Variants in TGM4 observed in about 807,000 individuals in gnomAD.
TGM4 encodes the protein transglutaminase 4.
In TGM4, 61 loss-of-function variants were observed where a neutral mutation model predicts 76.3. The observed-to-expected ratio is 0.80, with a 90% CI of 0.65 to 0.99. TGM4 has a LOEUF of 0.99. TGM4 is among the 50% of genes least tolerant of loss of function. The pLI, the probability that TGM4 is intolerant of heterozygous loss-of-function variation, is 0.00. For synonymous variants in TGM4, 337 were observed against 329.8 expected (o/e 1.02, Z -0.24); for missense variants, 794 against 843.2 (o/e 0.94, Z 0.72).
At chr3:44,902,000 C>G (rs1463158741) in intron 8 of TGM4, 69 bp downstream of exon 8, 1 of 1,558,554 alleles carries the variant, frequency 6.4e-7, no homozygotes, top group African/African-American at 1.4e-5. Context: ...TTTTTAGAAA[C>G]AGGGTCTCTC....
intron 6 of TGM4, among the ~76,000 whole-genome samples, chr3:44,900,160 G>A (rs1049925608): frequency 9.2e-5 from 14 of 152,146 alleles, no homozygotes; most frequent in Admixed American, 6.5e-4. Flanking sequence ...CCCTATCTCC[G>A]CCCTCCCCTA....
chr3:44,906,902 G>A, intron 9 of TGM4, 47 bp from the exon 10 acceptor site: 2 of 1,600,592 alleles, frequency 1.2e-6, no homozygotes, highest in South Asian at 2.2e-5. Context: ...CAGGCTGGGT[G>A]GGCTGGGGAA....
intron 9 of TGM4, 49 bp from the exon 10 acceptor site, chr3:44,906,900 G>A (rs1388097971): frequency 6.2e-7 from 1 of 1,600,006 alleles, no homozygotes; most frequent in African/African-American, 1.3e-5. Context: ...TCCAGGCTGG[G>A]TGGGCTGGGG....
intron 13 of TGM4, among the ~76,000 whole-genome samples, chr3:44,913,209 C>T (rs181905905): frequency 6.6e-6 from 1 of 152,288 alleles, no homozygotes; most frequent in East Asian, 1.9e-4. Flanking sequence ...GAGGGGCTAG[C>T]CAATTCCTTG....
Position 44,887,940 on chromosome 3 carries a change from G to A in TGM4, c.300+145G>A, listed in dbSNP as rs904472817. On this transcript the variant is annotated intron_variant, in intron 3 of 13. Coordinates refer to ENST00000296125, the MANE Select transcript of TGM4 (RefSeq NM_003241.4). ...AGCACAGCATGATAGAGGGGCCATG[G>A]CTCCAAATGTCTGTTTCCCCACTCA... 72 of 697,390 alleles carry A rather than the reference G, an allele frequency of 1.0e-4. 1 individual carries two copies. Among genetic ancestry groups the A allele is most frequent in the Non-Finnish European group, 6.9e-5 (28 of 405,802 alleles). The allele number at this position is 697,390 out of a possible 1,614,324, so 43.2% of individuals were successfully genotyped here.
chr3:44,910,471 TTGTG>T (rs1311053458), intron 11 of TGM4, 103 bp downstream of exon 11: 1 of 1,399,240 alleles, frequency 7.1e-7, no homozygotes, highest in Non-Finnish European at 9.6e-7. Context: ...TGATAAATTT[TTGTG>T]TGTGAGTTAA....
chr3:44,907,271 G>A, intron 10 of TGM4, 71 bp downstream of exon 10: 1 of 1,550,868 alleles, frequency 6.4e-7, no homozygotes. Context: ...GTCAAGATTG[G>A]GGGTGGGCCT....
intron 1 of TGM4, among the ~76,000 whole-genome samples, chr3:44,880,792 C>G (rs934471974): frequency 7.9e-5 from 12 of 152,116 alleles, no homozygotes; most frequent in Non-Finnish European, 1.5e-4. Context: ...TCACCCAGAC[C>G]TTTCATCTGG....
At chr3:44,887,492 G>C (rs1699624191) in intron 2 of TGM4, among the ~76,000 whole-genome samples, 197 bp from the exon 3 acceptor site, 1 of 152,096 alleles carries the variant, frequency 6.6e-6, no homozygotes. Flanking sequence ...CATCTAAATT[G>C]AACAGAAAAC....
chr3:44,892,658 A>G (rs1575717840), intron 4 of TGM4, among the ~76,000 whole-genome samples: 1 of 152,170 alleles, frequency 6.6e-6, no homozygotes, highest in Admixed American at 6.5e-5. Context: ...GGCATGAGGC[A>G]CCGCACCCAG....
Position 44,874,654 on chromosome 3 carries a change from G to T in TGM4, c.-25G>T. ...GGCATCAGAGATAGAGTCTTCCCTGGCATTGCAGGAGAGAATCTGAAGGGA... is the reference window on the plus strand; with the variant it reads ...GGCATCAGAGATAGAGTCTTCCCTGTCATTGCAGGAGAGAATCTGAAGGGA... On this transcript the variant is annotated 5_prime_UTR_variant, in exon 1 of 14. Coordinates refer to ENST00000296125, the MANE Select transcript of TGM4 (RefSeq NM_003241.4). 6.2e-7 allele frequency: 1 copy of T among 1,614,150 alleles called. No homozygotes were observed. Among genetic ancestry groups the T allele is most frequent in the Non-Finnish European group, 8.5e-7 (1 of 1,180,004 alleles).
intron 1 of TGM4, among the ~76,000 whole-genome samples, chr3:44,882,057 C>CTTTTTTTTTT (rs60542332): frequency 5.7e-5 from 6 of 104,616 alleles, no homozygotes; most frequent in Admixed American, 1.2e-4. Flanking sequence ...AATACAAACG[C>CTTTTTTTTTT]TTTTTTTTTT....
chr3:44,874,843 C>T (rs1699428493), intron 1 of TGM4, 146 bp downstream of exon 1: 1 of 873,910 alleles, frequency 1.1e-6, no homozygotes, highest in Non-Finnish European at 1.7e-6. Context: ...CTGTCTCATC[C>T]CTTTTTAGAA....
intron 8 of TGM4, among the ~76,000 whole-genome samples, chr3:44,902,890 G>T (rs1057441935): frequency 2.2e-4 from 33 of 152,178 alleles, no homozygotes; most frequent in Non-Finnish European, 7.3e-5. Flanking sequence ...TAGACGAGGT[G>T]GGAAGGTCAG....
chr3:44,894,817 G>A (rs1024639527), intron 5 of TGM4, among the ~76,000 whole-genome samples: 1 of 152,032 alleles, frequency 6.6e-6, no homozygotes, highest in African/African-American at 2.4e-5. Context: ...TCTGTGCAAG[G>A]TGCGCCGAGT....
intron 1 of TGM4, among the ~76,000 whole-genome samples, chr3:44,879,074 G>A (rs1337076359): frequency 6.6e-6 from 1 of 151,612 alleles, no homozygotes; most frequent in African/African-American, 2.4e-5. Flanking sequence ...TCTATTTGCT[G>A]TTTAACCTGT....
intron 8 of TGM4, 97 bp downstream of exon 8, chr3:44,902,028 G>T (rs1699862258): frequency 3.4e-6 from 5 of 1,450,582 alleles, no homozygotes; most frequent in Non-Finnish European, 4.7e-6. Context: ...TGCCCAGGCT[G>T]GTCTTGAACT....
chr3:44,879,773 C>A (rs897933319), intron 1 of TGM4, among the ~76,000 whole-genome samples: 1 of 149,644 alleles, frequency 6.7e-6, no homozygotes, highest in African/African-American at 2.5e-5. Context: ...CCACTGTGCC[C>A]GGCCCTATAT....
chr3:44,911,343 T>C lies in TGM4; in HGVS notation c.1850T>C (p.Leu617Ser). The change falls in exon 13 of 14, where the codon TTG becomes TCG. Residue 617 changes from leucine (L) to serine (S), a missense_variant. By Grantham distance (145) the Leu-to-Ser change is moderately radical (BLOSUM62 -2). Transcript: ENST00000296125. ...CIFKNTLAIPLTDVKFSLESL... is the reference protein window; with the variant it reads ...CIFKNTLAIPSTDVKFSLESL... The stretch of plus-strand genomic sequence containing the variant: ...TTCAAGAATACCCTGGCCATCCCTT[T>C]GACTGACGTCAAGTTCTCTTTGGAA... 1 of 1,614,264 alleles carries C rather than the reference T, an allele frequency of 6.2e-7. No individual in the cohort carries two copies.
Sources: allele counts gnomAD v4.1 joint callset (sites outside exome capture counted in the v4.1 genomes callset), GRCh38; gene constraint gnomAD v4.1.1; transcripts MANE v1.5; gene names NCBI Gene and HGNC (gene_info 2026-07-23, HGNC 2026-07-21).